Variants in ABHD2 observed in about 807,000 individuals in gnomAD.
ABHD2 encodes monoacylglycerol lipase ABHD2.
In ABHD2, 20 loss-of-function variants were observed where a neutral mutation model predicts 48.1. That is an observed-to-expected ratio of 0.42 (90% CI 0.29 to 0.60). The LOEUF is 0.60. Ranked by LOEUF, ABHD2 falls within the 20% of genes least tolerant of loss-of-function variation. The pLI is 0.24. For synonymous variants in ABHD2, 209 were observed against 214.2 expected (o/e 0.98, Z 0.21); for missense variants, 405 against 550.9 (o/e 0.74, Z 2.65).
At chr15:89,108,153 C>T (rs1051617317) in intron 1 of ABHD2, among the ~76,000 whole-genome samples, 1 of 152,196 alleles carries the variant, frequency 6.6e-6, no homozygotes, top group Non-Finnish European at 1.5e-5. Context: ...GAGCGTGGAA[C>T]TCCTGAGTCA....
Position 89,189,922 on chromosome 15 carries a change from T to G in ABHD2, c.927-1158T>G, listed in dbSNP as rs1184060849. ...GCAGTTTTATGATCATAACCAGTCT[T>G]GGTGGCTTCCTCAGAGATCCATCCC... On this transcript the variant is annotated intron_variant, in intron 8 of 10. Transcript: ENST00000352732. This position sits in a 1 kb window ranked among gnomAD's most constrained non-coding sequence, Gnocchi z 4.9. Among the ~76,000 whole-genome samples, 1 of 152,192 alleles carries G rather than the reference T, an allele frequency of 6.6e-6. No homozygotes were observed. Among genetic ancestry groups the G allele is most frequent in the Admixed American group, 6.5e-5 (1 of 15,282 alleles).
At chr15:89,135,979 T>G (rs1211606477) in intron 3 of ABHD2, 3 of 341,904 alleles carry the variant, frequency 8.8e-6, no homozygotes, top group Non-Finnish European at 5.5e-6. Flanking sequence ...CAGGCTGGAG[T>G]GCAATGGCGC....
In ABHD2 at chr15:89,183,381, AAAAATATATATATATAT is replaced by A. The variant is rs1238950127; in HGVS notation, c.723-2041_723-2025del. 4.5e-4 allele frequency: 33 copies of A among 72,736 alleles called. 1 individual carries two copies. The highest frequency in any genetic ancestry group is 2.4e-3 in the African/African-American group (32 of 13,080). 4.5% of individuals were successfully genotyped at this position (72,736 alleles called of 1,614,324 possible). On this transcript the variant is annotated intron_variant, in intron 6 of 10. Transcript: ENST00000352732. Reference sequence around the variant, plus strand: ...ATCAGTCCTTTTCAAAAAAAAAAAAAAAAATATATATATATATATATATATATATATATATGAGATGA... The same window carrying A: ...ATCAGTCCTTTTCAAAAAAAAAAAAAATATATATATATATATATGAGATGA...
In ABHD2 at chr15:89,164,466, G is replaced by A. The variant is rs1024099619; in HGVS notation, c.538+8932G>A. On this transcript the variant is annotated intron_variant, in intron 5 of 10. Coordinates refer to ENST00000352732, the MANE Select transcript of ABHD2 (RefSeq NM_152924.5). The surrounding 1 kb of genome is among the most constrained non-coding windows in gnomAD (Gnocchi z 5.0). ...CAGCTGAAGGTTTGACTGCCTGGTC[G>A]AGAAAGCTGAGAAAGACTGTTAAGA... 4.0e-5 allele frequency among the ~76,000 whole-genome samples: 5 copies of A among 125,994 alleles called. No homozygotes were observed. Among genetic ancestry groups the A allele is most frequent in the South Asian group, 2.6e-4 (1 of 3,880 alleles). The allele number at this position is 125,994 out of a possible 152,430, so 82.7% of individuals were successfully genotyped here. A position where few individuals can be genotyped will look rare whatever the true frequency, so the allele number is the denominator to read the frequency against.
intron 3 of ABHD2, among the ~76,000 whole-genome samples, chr15:89,147,330 T>C (rs1446156693): frequency 6.6e-6 from 1 of 150,482 alleles, no homozygotes; most frequent in African/African-American, 2.4e-5. Flanking sequence ...ATTATGTTTA[T>C]AATTGGGTAT....
chr15:89,098,477 G>A (rs1477336193), intron 1 of ABHD2, among the ~76,000 whole-genome samples: 1 of 152,162 alleles, frequency 6.6e-6, no homozygotes, highest in Admixed American at 6.5e-5. Context: ...ATGGGCCATA[G>A]AGGAGGCTTT....
chr15:89,111,216 G>GT (rs1221044391), intron 1 of ABHD2, among the ~76,000 whole-genome samples: 1 of 151,976 alleles, frequency 6.6e-6, no homozygotes, highest in African/African-American at 2.4e-5. Flanking sequence ...TTAAAGCTTT[G>GT]TTCTAATAAT....
chr15:89,053,060 C>T, the ABHD2 span, among the ~76,000 whole-genome samples: 7 of 151,652 alleles, frequency 4.6e-5, no homozygotes, highest in Admixed American at 3.3e-4. Context: ...CTCTGCCTCC[C>T]GGGTTCAAGC....
the ABHD2 span, among the ~76,000 whole-genome samples, chr15:89,047,107 C>T: frequency 1.3e-5 from 2 of 151,050 alleles, no homozygotes; most frequent in Non-Finnish European, 3.0e-5. Flanking sequence ...TCTTTGTTCT[C>T]GTTGGTTTCA....
upstream of ABHD2, among the ~76,000 whole-genome samples, chr15:89,084,322 C>T (rs1901321584): frequency 6.6e-6 from 1 of 151,868 alleles, no homozygotes; most frequent in Non-Finnish European, 1.5e-5. The surrounding 1 kb of genome is among the most constrained non-coding windows in gnomAD (Gnocchi z 4.4). Context: ...TATTTAGAGA[C>T]AGAGTCTCCC....
rs1217421255 is a variant in ABHD2, at chr15:89,167,829, A to G, written c.539-7983A>G. On this transcript the variant is annotated intron_variant, in intron 5 of 10. Transcript: ENST00000352732. The surrounding 1 kb of genome is among the most constrained non-coding windows in gnomAD (Gnocchi z 5.5). ...CTAGGCCCCTAACCGCCCACCTGTC[A>G]GCGAGCCATGTTAGCTTAACTGTAT... is the stretch of plus-strand genomic sequence containing the variant. 6.6e-6 allele frequency among the ~76,000 whole-genome samples: 1 copy of G among 152,254 alleles called. No homozygotes were observed. The highest frequency in any genetic ancestry group is 1.9e-4 in the East Asian group (1 of 5,194).
At chr15:89,110,408 C>T (rs898673453) in intron 1 of ABHD2, among the ~76,000 whole-genome samples, 1 of 152,118 alleles carries the variant, frequency 6.6e-6, no homozygotes, top group African/African-American at 2.4e-5. Context: ...GTTGAACCTG[C>T]AGTTAAGGAG....
rs529624915 is a variant in ABHD2 at position 89,093,046 on chromosome 15, C to T, written c.-107+4483C>T. ...AGTGAGGAACGCATTGGTCCTTGGG[C>T]CCTTCTTCGCCTTGCCGTCTGTGCA... is the stretch of plus-strand genomic sequence containing the variant. On this transcript the variant is annotated intron_variant, in intron 1 of 10. Coordinates refer to ENST00000352732, the MANE Select transcript of ABHD2 (RefSeq NM_152924.5). 4.0e-5 allele frequency among the ~76,000 whole-genome samples: 6 copies of T among 150,788 alleles called. No individual in the cohort carries two copies. In the South Asian group the frequency reaches 1.0e-3, roughly 26 times the overall value.
rs148321564 is a variant in ABHD2, at chr15:89,135,177, T to C, written c.195-16500T>C. Among the ~76,000 whole-genome samples, 1,348 of 135,782 alleles carry C rather than the reference T, an allele frequency of 9.9e-3. 6 individuals carry two copies. The highest frequency in any genetic ancestry group is 0.03 in the Middle Eastern group (7 of 236). The allele number at this position is 135,782 out of a possible 152,430, so 89.1% of individuals were successfully genotyped here. On this transcript the variant is annotated intron_variant, in intron 3 of 10. Transcript: ENST00000352732. ...TTTTTTTTTTGCAATTACAGAGTGG[T>C]ATTCACTTAACAACAGTCATTTTAT... is the stretch of plus-strand genomic sequence containing the variant.
intron 3 of ABHD2, among the ~76,000 whole-genome samples, chr15:89,127,210 A>T (rs1374773234): frequency 6.6e-6 from 1 of 151,984 alleles, no homozygotes; most frequent in Non-Finnish European, 1.5e-5. Context: ...CTTGTGAACC[A>T]CCCTAACTCT....
chr15:89,117,335 T>C (rs560810859), intron 3 of ABHD2, among the ~76,000 whole-genome samples: 2 of 152,324 alleles, frequency 1.3e-5, no homozygotes, highest in Admixed American at 1.3e-4. Flanking sequence ...TCCAGATCTG[T>C]ATTTTGGAGG....
intron 5 of ABHD2, among the ~76,000 whole-genome samples, chr15:89,163,464 T>A (rs544888811): frequency 2.0e-5 from 3 of 152,358 alleles, no homozygotes; most frequent in Admixed American, 6.5e-5. Flanking sequence ...GTTACTTCAC[T>A]TGATCCTTAC....
At position 89,200,729 on chromosome 15, in the gene ABHD2, G is replaced by GAAA; in HGVS notation, c.*5314_*5316dup. 1 of 220,468 alleles carries GAAA rather than the reference G, an allele frequency of 4.5e-6. No individual in the cohort carries two copies. The highest frequency in any genetic ancestry group is 4.3e-5 in the Admixed American group (1 of 23,486). The allele number at this position is 220,468 out of a possible 1,614,324, so 13.7% of individuals were successfully genotyped here. A position where few individuals can be genotyped will look rare whatever the true frequency, so the allele number is the denominator to read the frequency against. ...AGGTAAACAAATCTTCTGGTCAAGAGAAAAAAAAAAGAAATAGCACTCTGC... is the reference window on the plus strand; with the variant it reads ...AGGTAAACAAATCTTCTGGTCAAGAGAAAAAAAAAAAAAGAAATAGCACTCTGC... On this transcript the variant is annotated 3_prime_UTR_variant, in exon 11 of 11. Transcript: ENST00000352732.
Position 89,195,212 on chromosome 15 carries a change from G to C in ABHD2, c.1082-15G>C, listed in dbSNP as rs1490772534. The stretch of plus-strand genomic sequence containing the variant: ...CTAGAGAACAGTAACTCACTCAGCT[G>C]CGTTTCCCCTGCAGAGAAACGAGAG... On this transcript the variant is annotated splice_polypyrimidine_tract_variant and intron_variant, in intron 10 of 10. Coordinates refer to ENST00000352732, the MANE Select transcript of ABHD2 (RefSeq NM_152924.5). This position sits in a 1 kb window ranked among gnomAD's most constrained non-coding sequence, Gnocchi z 5.1. 1 of 1,610,036 alleles carries C rather than the reference G, an allele frequency of 6.2e-7. No homozygotes were observed. Among genetic ancestry groups the C allele is most frequent in the Admixed American group, 1.7e-5 (1 of 59,754 alleles).
Sources: gnomAD v4.1 joint callset for allele counts (sites outside exome capture counted in the v4.1 genomes callset) on GRCh38, gnomAD v4.1.1 for gene constraint, Gnocchi (gnomAD v3.1) non-coding constraint, MANE v1.5 for transcripts, NCBI Gene and HGNC (gene_info 2026-07-23, HGNC 2026-07-21) for gene names.